The following ADAMTS9 variants were observed in gnomAD, a reference collection of about 807,000 sequenced individuals.
ADAMTS9 encodes A disintegrin and metalloproteinase with thrombospondin motifs 9.
Under a neutral mutation model 257.1 loss-of-function variants are expected in ADAMTS9, and 107 were observed. The observed-to-expected ratio is 0.42, with a 90% CI of 0.36 to 0.49. The LOEUF is 0.49. Ranked by LOEUF, ADAMTS9 falls within the 20% of genes least tolerant of loss-of-function variation. The pLI is 0.03. For synonymous variants in ADAMTS9, 982 were observed against 880.9 expected (o/e 1.11, Z -2.03); for missense variants, 2,353 against 2,469.1 (o/e 0.95, Z 1.00).
intron 11 of ADAMTS9, among the ~76,000 whole-genome samples, 163 bp downstream of exon 11, chr3:64,647,777 A>G (rs140144822): frequency 0.01 from 1,578 of 152,342 alleles, 28 homozygotes; most frequent in Middle Eastern, 0.058. Flanking sequence ...AAGTTTCACA[A>G]TTTTTAATTG....
chr3:64,606,733 GA>G (rs1214628283), intron 23 of ADAMTS9, among the ~76,000 whole-genome samples: 1 of 152,030 alleles, frequency 6.6e-6, no homozygotes, highest in Non-Finnish European at 1.5e-5. Context: ...CATCCAATAG[GA>G]ATCAAAAGCA....
chr3:64,656,913 G>A (rs1701088978), intron 4 of ADAMTS9, among the ~76,000 whole-genome samples: 1 of 150,878 alleles, frequency 6.6e-6, no homozygotes, highest in Admixed American at 6.7e-5. Flanking sequence ...TCATCTGGGG[G>A]ATTTATTAAA....
At chr3:64,541,644 AT>A in intron 33 of ADAMTS9, 24 bp from the exon 34 acceptor site, 1 of 1,596,074 alleles carries the variant, frequency 6.3e-7, no homozygotes, top group Non-Finnish European at 8.6e-7. Flanking sequence ...ATCACAAAAA[AT>A]AGGGTGTGAT....
chr3:64,551,508 C>T (rs937892666), intron 30 of ADAMTS9, among the ~76,000 whole-genome samples: 3 of 152,128 alleles, frequency 2.0e-5, no homozygotes, highest in African/African-American at 7.2e-5. Context: ...CACTCCCGGC[C>T]GAGAACTCCT....
At chr3:64,584,008 G>A (rs896507084) in intron 28 of ADAMTS9, 7 of 121,864 alleles carry the variant, frequency 5.7e-5, no homozygotes, top group African/African-American at 1.9e-4. Flanking sequence ...GCACCCTGCG[G>A]GGGGCTCGGA....
chr3:64,687,528 C>T lies in ADAMTS9; in HGVS notation c.115+15G>A. 2 of 1,518,480 alleles carry T rather than the reference C, an allele frequency of 1.3e-6. No individual in the cohort carries two copies. Among genetic ancestry groups the T allele is most frequent in the Admixed American group, 2.0e-5 (1 of 49,404 alleles). The allele number at this position is 1,518,480 out of a possible 1,614,324, so 94.1% of individuals were successfully genotyped here. A position where few individuals can be genotyped will look rare whatever the true frequency, so the allele number is the denominator to read the frequency against. Reference sequence around the variant, plus strand: ...GTCGGGGCCGGCGGGGTCCCGGGGGCCGGAGCCTGGTTACCTTGCCTCGGG... The same window carrying T: ...GTCGGGGCCGGCGGGGTCCCGGGGGTCGGAGCCTGGTTACCTTGCCTCGGG... On this transcript the variant is annotated intron_variant, in intron 1 of 39. Transcript: ENST00000498707. The surrounding 1 kb of genome is among the most constrained non-coding windows in gnomAD (Gnocchi z 4.4).
At chr3:64,520,707 C>T (rs967578564) in intron 39 of ADAMTS9, among the ~76,000 whole-genome samples, 1 of 151,944 alleles carries the variant, frequency 6.6e-6, no homozygotes, top group Non-Finnish European at 1.5e-5. Context: ...GAAAGCACAC[C>T]CTATAATAAA....
At chr3:64,671,742 T>C (rs1194145702) in intron 3 of ADAMTS9, among the ~76,000 whole-genome samples, 1 of 152,222 alleles carries the variant, frequency 6.6e-6, no homozygotes, top group African/African-American at 2.4e-5. Flanking sequence ...AGATCTTGCA[T>C]TTACCCATGC....
intron 16 of ADAMTS9, among the ~76,000 whole-genome samples, chr3:64,625,540 A>G (rs1576131656): frequency 6.6e-6 from 1 of 152,166 alleles, no homozygotes; most frequent in African/African-American, 2.4e-5. Flanking sequence ...AGTTCATGCA[A>G]TTGGACACCT....
intron 4 of ADAMTS9, among the ~76,000 whole-genome samples, chr3:64,656,812 AG>A (rs1378869757): frequency 2.6e-5 from 4 of 152,064 alleles, no homozygotes; most frequent in Non-Finnish European, 4.4e-5. Flanking sequence ...AATGGGTCAC[AG>A]CAGTGAACAA....
intron 23 of ADAMTS9, among the ~76,000 whole-genome samples, chr3:64,604,563 G>C (rs2084525163): frequency 6.6e-6 from 1 of 152,100 alleles, no homozygotes; most frequent in South Asian, 2.1e-4. Context: ...GTCAGCTTGA[G>C]GATTTTTAAA....
intron 25 of ADAMTS9, 25 bp from the exon 26 acceptor site, chr3:64,602,238 A>G: frequency 6.2e-7 from 1 of 1,609,796 alleles, no homozygotes; most frequent in South Asian, 1.1e-5. Flanking sequence ...CAGAAAGAGA[A>G]AGGGTCAGTC....
chr3:64,648,188 C>G (rs1700843495), intron 10 of ADAMTS9, 144 bp from the exon 11 acceptor site: 1 of 728,440 alleles, frequency 1.4e-6, no homozygotes, highest in Non-Finnish European at 2.2e-6. Context: ...ATGATAAATG[C>G]TAAAATATAG....
Position 64,631,796 on chromosome 3 carries a change from G to C in ADAMTS9, c.2293+12C>G. On this transcript the variant is annotated intron_variant, in intron 15 of 39. Coordinates refer to ENST00000498707, the MANE Select transcript of ADAMTS9 (RefSeq NM_182920.2). Reference sequence around the variant, plus strand: ...ATATTCCTTCTCATGGTTCTTAGGAGCAGATTCTTACCATAATGTACTGTA... The same window carrying C: ...ATATTCCTTCTCATGGTTCTTAGGACCAGATTCTTACCATAATGTACTGTA... 1 of 1,595,680 alleles carries C rather than the reference G, an allele frequency of 6.3e-7. No homozygotes were observed. The highest frequency in any genetic ancestry group is 8.6e-7 in the Non-Finnish European group (1 of 1,164,536).
intron 28 of ADAMTS9, chr3:64,587,006 C>G (rs780410574): frequency 5.3e-5 from 8 of 152,190 alleles, no homozygotes; most frequent in Non-Finnish European, 1.2e-4. Context: ...CCCTTTCAAC[C>G]CACTGAACAC....
At chr3:64,548,112 C>T (rs1285662940) in intron 31 of ADAMTS9, among the ~76,000 whole-genome samples, 1 of 152,134 alleles carries the variant, frequency 6.6e-6, no homozygotes, top group Non-Finnish European at 1.5e-5. Context: ...TTCATCAATT[C>T]TCAAGGGCAG....
intron 31 of ADAMTS9, among the ~76,000 whole-genome samples, chr3:64,547,723 T>A (rs2083221157): frequency 6.6e-6 from 1 of 152,088 alleles, no homozygotes. Context: ...CTTTTCTACC[T>A]CTTGCTCTAT....
intron 8 of ADAMTS9, among the ~76,000 whole-genome samples, chr3:64,654,105 A>G (rs956288807): frequency 1.3e-5 from 2 of 152,222 alleles, no homozygotes; most frequent in African/African-American, 4.8e-5. Flanking sequence ...GACCTTGTGT[A>G]TTAAACTTGA....
chr3:64,635,291 G>A (rs1700469181), intron 12 of ADAMTS9, among the ~76,000 whole-genome samples: 1 of 152,162 alleles, frequency 6.6e-6, no homozygotes, highest in South Asian at 2.1e-4. Context: ...TTACAAGCTG[G>A]GGAGGGTGAC....
Sources: allele counts gnomAD v4.1 joint callset (sites outside exome capture counted in the v4.1 genomes callset), GRCh38; gene constraint gnomAD v4.1.1; non-coding constraint Gnocchi (gnomAD v3.1); transcripts MANE v1.5; gene names NCBI Gene and HGNC (gene_info 2026-07-23, HGNC 2026-07-21).